RAB3B: variants seen among roughly 807,000 people sequenced by gnomAD.
RAB3B encodes the protein ras-related protein Rab-3B.
In RAB3B, 11 loss-of-function variants were observed where a neutral mutation model predicts 20.5. The observed-to-expected ratio is 0.54, with a 90% CI of 0.34 to 0.89. The LOEUF (loss-of-function observed/expected upper bound fraction) is 0.89. RAB3B is among the 40% of genes least tolerant of loss of function. The pLI, the probability that RAB3B is intolerant of heterozygous loss-of-function variation, is 0.02. For synonymous variants in RAB3B, 99 were observed against 106.3 expected, an observed-to-expected ratio of 0.93 and a Z score of 0.42; for missense variants, 225 against 280.9, an observed-to-expected ratio of 0.80 and a Z score of 1.42.
At chr1:51,974,353 T>C (rs1411718561) in intron 2 of RAB3B, among the ~76,000 whole-genome samples, 1 of 152,114 alleles carries the variant, frequency 6.6e-6, no homozygotes, top group Non-Finnish European at 1.5e-5. Context: ...ACCTGGAAAA[T>C]TTGTTATAGC....
chr1:51,985,848 G>GT (rs1685144118), intron 1 of RAB3B, among the ~76,000 whole-genome samples: 1 of 145,060 alleles, frequency 6.9e-6, no homozygotes, highest in African/African-American at 2.6e-5. Context: ...TATCTTACAG[G>GT]TAAAAAAAAA....
intron 4 of RAB3B, among the ~76,000 whole-genome samples, chr1:51,921,161 T>C (rs1480898470): frequency 6.6e-6 from 1 of 152,060 alleles, no homozygotes; most frequent in Non-Finnish European, 1.5e-5. Flanking sequence ...TCTCCATCAG[T>C]CCCCAGCCCT....
At position 51,913,038 on chromosome 1, in the gene RAB3B, C is replaced by T. The variant is rs1323721718; in HGVS notation, c.*6889G>A. ...AGGAAGTACAGTTAGAACAGAAGGC[C>T]CAACTGTTCTTGGAGCCATCTTTTC... is the stretch of plus-strand genomic sequence containing the variant. On this transcript the variant is annotated 3_prime_UTR_variant, in exon 5 of 5. Transcript: ENST00000371655. 1 of 152,112 alleles carries T rather than the reference C, an allele frequency of 6.6e-6. No individual in the cohort carries two copies. The highest frequency in any genetic ancestry group is 2.4e-5 in the African/African-American group (1 of 41,418). The allele number at this position is 152,112 out of a possible 1,614,324, so 9.4% of individuals were successfully genotyped here.
At chr1:51,928,359 G>A (rs1240441452) in intron 4 of RAB3B, among the ~76,000 whole-genome samples, 1 of 152,108 alleles carries the variant, frequency 6.6e-6, no homozygotes. Context: ...CACCTGCCTC[G>A]GCCTCCCAGA....
chr1:51,972,935 A>T (rs972099364), intron 2 of RAB3B, among the ~76,000 whole-genome samples: 1 of 152,152 alleles, frequency 6.6e-6, no homozygotes, highest in Non-Finnish European at 1.5e-5. Flanking sequence ...TTGTTTATTA[A>T]TTTTTAGATA....
chr1:51,989,150 T>A (rs1304934852), intron 1 of RAB3B, among the ~76,000 whole-genome samples: 2 of 97,580 alleles, frequency 2.0e-5, no homozygotes, highest in East Asian at 7.8e-4. Context: ...CCTTTTACTG[T>A]CTCCCACCCC....
At chr1:51,928,593 G>A (rs1684279377) in intron 4 of RAB3B, among the ~76,000 whole-genome samples, 1 of 152,202 alleles carries the variant, frequency 6.6e-6, no homozygotes, top group Non-Finnish European at 1.5e-5. Flanking sequence ...GTCACTGGGT[G>A]AGGGTGAGGA....
At chr1:51,929,482 T>G (rs1305547809) in intron 4 of RAB3B, among the ~76,000 whole-genome samples, 1 of 151,976 alleles carries the variant, frequency 6.6e-6, no homozygotes, top group Non-Finnish European at 1.5e-5. Flanking sequence ...CTCGGCTAAT[T>G]TTTGTATTTT....
intron 4 of RAB3B, among the ~76,000 whole-genome samples, chr1:51,927,604 C>T (rs1235611530): frequency 1.3e-5 from 2 of 152,120 alleles, no homozygotes; most frequent in South Asian, 2.1e-4. Flanking sequence ...AGTGAAACCC[C>T]GTCTCTACCA....
Position 51,908,254 on chromosome 1 carries a change from T to C in RAB3B, c.*11673A>G, listed in dbSNP as rs757723359. On this transcript the variant is annotated 3_prime_UTR_variant, in exon 5 of 5. Coordinates refer to ENST00000371655, the MANE Select transcript of RAB3B (RefSeq NM_002867.4). ...GAACATCTGCTTAGTTAGAATCTGA[T>C]GAGGAGAGACGTGAGAGCTATTGTT... The C allele has an allele frequency of 2.6e-5, 4 of 152,062 alleles. No homozygotes were observed. Among genetic ancestry groups the C allele is most frequent in the Non-Finnish European group, 5.9e-5 (4 of 68,012 alleles). 9.4% of individuals were successfully genotyped at this position (152,062 alleles called of 1,614,324 possible). A position where few individuals can be genotyped will look rare whatever the true frequency, so the allele number is the denominator to read the frequency against.
At chr1:51,963,306 C>T (rs1684807078) in intron 2 of RAB3B, among the ~76,000 whole-genome samples, 1 of 152,162 alleles carries the variant, frequency 6.6e-6, no homozygotes, top group Non-Finnish European at 1.5e-5. Flanking sequence ...TCCTTCATCC[C>T]TTGTGTTGTT....
chr1:51,978,803 GC>G (rs1036261737), intron 1 of RAB3B, among the ~76,000 whole-genome samples: 1 of 152,048 alleles, frequency 6.6e-6, no homozygotes, highest in Non-Finnish European at 1.5e-5. Flanking sequence ...TTCCCCAAGG[GC>G]AAAGAAAGGG....
At chr1:51,923,559 T>G (rs1684201975) in intron 4 of RAB3B, among the ~76,000 whole-genome samples, 1 of 151,810 alleles carries the variant, frequency 6.6e-6, no homozygotes, top group African/African-American at 2.4e-5. Context: ...CTACTAAAAA[T>G]ACAAAAATTA....
chr1:51,949,468 G>T (rs113632214), intron 2 of RAB3B, among the ~76,000 whole-genome samples: 44 of 152,256 alleles, frequency 2.9e-4, no homozygotes, highest in Non-Finnish European at 5.1e-4. Flanking sequence ...CACAAATCCC[G>T]TGGCCACTGC....
rs1428264810 is a variant in RAB3B at position 51,918,832 on chromosome 1, GC to G, written c.*1094del. The G allele has an allele frequency of 5.3e-5, 8 of 152,208 alleles. No individual in the cohort carries two copies. The East Asian group carries it at 1.5e-3, about 29-fold the overall frequency. 9.4% of individuals were successfully genotyped at this position (152,208 alleles called of 1,614,324 possible). A position where few individuals can be genotyped will look rare whatever the true frequency, so the allele number is the denominator to read the frequency against. On this transcript the variant is annotated 3_prime_UTR_variant, in exon 5 of 5. Coordinates refer to ENST00000371655, the MANE Select transcript of RAB3B (RefSeq NM_002867.4). ...CCCACAGTTAAGAACCAACTGGAAA[GC>G]AGCAAAATCAGAAACTCATGATCTG...
chr1:51,981,069 C>T (rs1027526867), intron 1 of RAB3B, among the ~76,000 whole-genome samples: 11 of 152,042 alleles, frequency 7.2e-5, no homozygotes, highest in Admixed American at 5.9e-4. Context: ...CTCTCTCTGT[C>T]GCCCAGGCTG....
At chr1:51,936,391 T>C (rs1244464350) in intron 3 of RAB3B, among the ~76,000 whole-genome samples, 1 of 152,192 alleles carries the variant, frequency 6.6e-6, no homozygotes, top group Non-Finnish European at 1.5e-5. Flanking sequence ...TATGTGCTCC[T>C]GGACACCTGG....
At position 51,937,425 on chromosome 1, in the gene RAB3B, A is replaced by G. The variant is rs368753670; in HGVS notation, c.229-13T>C. The G allele has an allele frequency of 7.0e-5, 108 of 1,536,942 alleles. 1 individual carries two copies. The African/African-American group carries it at 1.2e-3, about 18-fold the overall frequency. On this transcript the variant is annotated splice_polypyrimidine_tract_variant and intron_variant, in intron 2 of 4. Coordinates refer to ENST00000371655, the MANE Select transcript of RAB3B (RefSeq NM_002867.4). ...GCCCAGCTGTGTCCTGGGCAGGAAAAGAAAAGAAACAATCTCTTAGAAAGT... is the reference window on the plus strand; with the variant it reads ...GCCCAGCTGTGTCCTGGGCAGGAAAGGAAAAGAAACAATCTCTTAGAAAGT...
chr1:51,965,674 G>T (rs190607621), intron 2 of RAB3B, among the ~76,000 whole-genome samples: 285 of 151,948 alleles, frequency 1.9e-3, no homozygotes, highest in African/African-American at 6.5e-3. Context: ...GAATTTTATG[G>T]TATATAAGGT....
Sources: allele counts gnomAD v4.1 joint callset (sites outside exome capture counted in the v4.1 genomes callset), GRCh38; gene constraint gnomAD v4.1.1; transcripts MANE v1.5; gene names NCBI Gene and HGNC (gene_info 2026-07-23, HGNC 2026-07-21).